The following EIF3E variants were observed in gnomAD, a reference collection of about 807,000 sequenced individuals.
EIF3E encodes the protein eIF-3 p48.
Under a neutral mutation model 59.3 loss-of-function variants are expected in EIF3E, and 25 were observed. That is an observed-to-expected ratio of 0.42 (90% CI 0.31 to 0.59). EIF3E has a LOEUF of 0.59. Ranked by LOEUF, EIF3E falls within the 20% of genes least tolerant of loss-of-function variation. The pLI is 0.15. For missense variants in EIF3E, 317 were observed against 534.3 expected (o/e 0.59, Z 4.01); for synonymous variants, 176 against 170.2 (o/e 1.03, Z -0.26).
chr8:108,216,521 A>G lies in EIF3E; in HGVS notation c.850-8T>C, dbSNP rs1352668274. On this transcript the variant is annotated splice_polypyrimidine_tract_variant and splice_region_variant and intron_variant, in intron 8 of 12. Coordinates refer to ENST00000220849, the MANE Select transcript of EIF3E (RefSeq NM_001568.3). ...TTTATATGTGTAAGACTCCTGTAAAAATAAGTCAACGGTCAAGGTAAGTCT... is the reference window on the plus strand; with the variant it reads ...TTTATATGTGTAAGACTCCTGTAAAGATAAGTCAACGGTCAAGGTAAGTCT... 3 of 1,576,226 alleles carry G rather than the reference A, an allele frequency of 1.9e-6. No individual in the cohort carries two copies. The highest frequency in any genetic ancestry group is 1.7e-6 in the Non-Finnish European group (2 of 1,151,574).
At chr8:108,220,717 C>G (rs557679556) in intron 7 of EIF3E, among the ~76,000 whole-genome samples, 5 of 152,334 alleles carry the variant, frequency 3.3e-5, no homozygotes, top group African/African-American at 1.2e-4. Context: ...CTGTCAATAT[C>G]CTCAACTCAG....
intron 7 of EIF3E, among the ~76,000 whole-genome samples, chr8:108,221,245 G>A (rs559631133): frequency 1.3e-5 from 2 of 152,252 alleles, no homozygotes; most frequent in Admixed American, 6.5e-5. Flanking sequence ...AGTCTCCCAG[G>A]CTCAACTGAT....
chr8:108,240,372 C>T (rs1055835774), intron 2 of EIF3E, among the ~76,000 whole-genome samples: 3 of 152,098 alleles, frequency 2.0e-5, no homozygotes, highest in African/African-American at 7.2e-5. Context: ...AAGGGTAGGA[C>T]CCAATTATCT....
intron 5 of EIF3E, among the ~76,000 whole-genome samples, chr8:108,233,018 G>A (rs1461075260): frequency 6.6e-6 from 1 of 152,132 alleles, no homozygotes; most frequent in Non-Finnish European, 1.5e-5. Context: ...CCGGGTTTAA[G>A]CTGTTTACAT....
At chr8:108,245,413 G>A (rs1815929245) in intron 1 of EIF3E, among the ~76,000 whole-genome samples, 1 of 152,214 alleles carries the variant, frequency 6.6e-6, no homozygotes, top group African/African-American at 2.4e-5. Flanking sequence ...GGGCTGTAAT[G>A]AGCTAAGATT....
In EIF3E at chr8:108,248,672, C is replaced by A. The variant is rs769234410; in HGVS notation, c.31G>T (p.Ala11Ser). MAEYDLTTRI[A>S]HFLDRHLVFP... Reference sequence around the variant, plus strand: ...ACTAGATGCCGATCCAAAAAGTGCGCGATGCGAGTAGTCAAGTCGTACTCC... The same window carrying A: ...ACTAGATGCCGATCCAAAAAGTGCGAGATGCGAGTAGTCAAGTCGTACTCC... Residue 11 changes from alanine to serine, a missense_variant, in exon 1 of 13, where the codon GCG (alanine) becomes TCG (serine). This residue lies in a region of EIF3E where 30 missense variants were observed against 22.2 expected (regional missense o/e 1.35). Transcript: ENST00000220849. The A allele has an allele frequency of 1.2e-6, 2 of 1,614,096 alleles. No homozygotes were observed. The highest frequency in any genetic ancestry group is 1.7e-6 in the Non-Finnish European group (2 of 1,180,012).
At chr8:108,223,940 A>C (rs1445424921) in intron 7 of EIF3E, among the ~76,000 whole-genome samples, 1 of 151,374 alleles carries the variant, frequency 6.6e-6, no homozygotes, top group Non-Finnish European at 1.5e-5. Context: ...AAGTATGGCC[A>C]GGCACGGTGG....
At chr8:108,236,904 C>G (rs1815742440) in intron 3 of EIF3E, among the ~76,000 whole-genome samples, 1 of 151,974 alleles carries the variant, frequency 6.6e-6, no homozygotes, top group South Asian at 2.1e-4. Flanking sequence ...TGCCTGTAAT[C>G]CCAGCTACTT....
intron 7 of EIF3E, among the ~76,000 whole-genome samples, chr8:108,220,137 C>G (rs1815382023): frequency 2.9e-5 from 4 of 139,330 alleles, no homozygotes. Context: ...GAGCAAGACT[C>G]CATCTCCCAA....
chr8:108,204,746 T>TATAGAGAG (rs1354950271), intron 10 of EIF3E, among the ~76,000 whole-genome samples: 4 of 113,678 alleles, frequency 3.5e-5, no homozygotes, highest in Admixed American at 8.8e-5. Flanking sequence ...TATATATATA[T>TATAGAGAG]AGAGAGAGAG....
chr8:108,248,056 T>A, intron 1 of EIF3E, among the ~76,000 whole-genome samples: 2 of 151,344 alleles, frequency 1.3e-5, no homozygotes, highest in African/African-American at 4.9e-5. Flanking sequence ...GCCGTCCCCA[T>A]CTGACGAAAT....
At position 108,242,621 on chromosome 8, in the gene EIF3E, T is replaced by C; in HGVS notation, c.91-708A>G. The C allele has an allele frequency of 2.6e-6, 3 of 1,165,656 alleles. No individual in the cohort carries two copies. In the South Asian group the frequency reaches 5.3e-5, roughly 21 times the overall value. 72.2% of individuals were successfully genotyped at this position (1,165,656 alleles called of 1,614,324 possible). ...ACAATATTTCACTGCCCACAAAAAA[T>C]AAAGATGAAGGTGGTCAAAGGGTAT... is the stretch of plus-strand genomic sequence containing the variant. On this transcript the variant is annotated intron_variant, in intron 1 of 12. Coordinates refer to ENST00000220849, the MANE Select transcript of EIF3E (RefSeq NM_001568.3).
At chr8:108,211,122 T>A (rs187442810) in intron 10 of EIF3E, among the ~76,000 whole-genome samples, 1 of 152,216 alleles carries the variant, frequency 6.6e-6, no homozygotes, top group Non-Finnish European at 1.5e-5. Context: ...AGTAATGGGA[T>A]GGCTGGGTCA....
At chr8:108,211,608 G>A (rs1454717631) in intron 10 of EIF3E, among the ~76,000 whole-genome samples, 5 of 152,094 alleles carry the variant, frequency 3.3e-5, no homozygotes, top group Admixed American at 6.6e-5. Flanking sequence ...TTAGAAACAC[G>A]AAGAAGCTTA....
chr8:108,209,260 A>G (rs1409063700), intron 10 of EIF3E, among the ~76,000 whole-genome samples: 4 of 152,136 alleles, frequency 2.6e-5, no homozygotes, highest in African/African-American at 9.6e-5. Flanking sequence ...AAAATAAGCC[A>G]GCATAAACTA....
At chr8:108,206,334 A>AT (rs1428974428) in intron 10 of EIF3E, among the ~76,000 whole-genome samples, 8 of 152,114 alleles carry the variant, frequency 5.3e-5, no homozygotes, top group Middle Eastern at 3.2e-3. Flanking sequence ...TCAAAAAAAA[A>AT]GAAAAAGAAA....
rs373181384 is a variant in EIF3E at position 108,233,553 on chromosome 8, TAGAC to T, written c.471+1441_471+1444del. The T allele has an allele frequency of 6.8e-4, 122 of 179,246 alleles. 3 individuals are homozygous for T. The East Asian group carries it at 0.016, about 24-fold the overall frequency. The allele number at this position is 179,246 out of a possible 1,614,324, so 11.1% of individuals were successfully genotyped here. A position where few individuals can be genotyped will look rare whatever the true frequency, so the allele number is the denominator to read the frequency against. ...CTTCTAGGATTAACTAGAGAAATCT[TAGAC>T]AGGCAGGGTGCAGAGGCTCATGGCT... On this transcript the variant is annotated intron_variant, in intron 5 of 12. Coordinates refer to ENST00000220849, the MANE Select transcript of EIF3E (RefSeq NM_001568.3).
Position 108,240,929 on chromosome 8 carries a change from G to C in EIF3E, c.206-854C>G, listed in dbSNP as rs374409668. 1.1e-4 allele frequency among the ~76,000 whole-genome samples: 16 copies of C among 151,866 alleles called. No individual in the cohort carries two copies. The East Asian group carries it at 3.1e-3, about 30-fold the overall frequency. ...CGGGAGGCGGAGCTTACAGTGAGCC[G>C]AGATCGCACCACTGCACTCCAGCCC... On this transcript the variant is annotated intron_variant, in intron 2 of 12. Transcript: ENST00000220849.
intron 10 of EIF3E, among the ~76,000 whole-genome samples, chr8:108,209,004 T>C (rs910192695): frequency 6.6e-6 from 1 of 152,136 alleles, no homozygotes; most frequent in African/African-American, 2.4e-5. Context: ...ATATAAAACA[T>C]TCTTAATATG....
Sources: allele counts gnomAD v4.1 joint callset (sites outside exome capture counted in the v4.1 genomes callset), GRCh38; gene constraint gnomAD v4.1.1; regional missense constraint gnomAD v4.1.1; transcripts MANE v1.5; gene names NCBI Gene and HGNC (gene_info 2026-07-23, HGNC 2026-07-21).